Variants in SDK1 observed in about 807,000 individuals in gnomAD.
The protein encoded by SDK1 is sidekick cell adhesion molecule 1.
Under a neutral mutation model 245.5 loss-of-function variants are expected in SDK1, and 157 were observed. The observed-to-expected ratio is 0.64, with a 90% CI of 0.56 to 0.73. SDK1 has a LOEUF of 0.73. SDK1 is among the 30% of genes least tolerant of loss of function. SDK1 has a pLI of 0.00. For missense variants in SDK1, 3,583 were observed against 3,002.3 expected (o/e 1.19, Z -4.52); for synonymous variants, 1,647 against 1,278.5 (o/e 1.29, Z -6.15).
rs544163426 is a variant in SDK1 at position 4,145,149 on chromosome 7, C to T, written c.4229-573C>T. 6.6e-4 allele frequency among the ~76,000 whole-genome samples: 100 copies of T among 152,124 alleles called. 2 individuals are homozygous for T. Among genetic ancestry groups the T allele is most frequent in the East Asian group, 2.3e-3 (12 of 5,142 alleles). On this transcript the variant is annotated intron_variant, in intron 28 of 44. Transcript: ENST00000404826. The stretch of plus-strand genomic sequence containing the variant: ...GATTCTGTAAGCAGAGCTGCCCTGG[C>T]GGAGCTGCTCGGGAGGGGTGGGGCC...
rs140973897 is a variant in SDK1, at chr7:3,971,479, C to T, written c.1728C>T (p.Ile576=). The change falls in exon 12 of 45, where the codon ATC becomes ATT. Residue 576 remains isoleucine (I), a synonymous_variant. Transcript: ENST00000404826. ...ATLTVWNRTS[I]VHPPEDHVVI... ...TGTTTTTTTCAGATCGGACGTCCAT[C>T]GTCCACCCTCCTGAGGACCACGTGG... 2,208 of 1,612,010 alleles carry T rather than the reference C, an allele frequency of 1.4e-3. 23 individuals carry two copies. Among genetic ancestry groups the T allele is most frequent in the East Asian group, 1.9e-3 (84 of 44,860 alleles).
intron 1 of SDK1, among the ~76,000 whole-genome samples, chr7:3,357,876 T>C (rs1157864034): frequency 1.3e-5 from 2 of 152,330 alleles, no homozygotes; most frequent in East Asian, 3.9e-4. Flanking sequence ...CTCTTAGTTA[T>C]GTGTGGTAGA....
At chr7:3,975,534 C>G (rs1319891564) in intron 13 of SDK1, among the ~76,000 whole-genome samples, 1 of 152,182 alleles carries the variant, frequency 6.6e-6, no homozygotes, top group African/African-American at 2.4e-5. Context: ...TCCCTGAATC[C>G]CAAGACTCCA....
intron 1 of SDK1, among the ~76,000 whole-genome samples, chr7:3,304,005 C>T (rs1185900806): frequency 6.6e-6 from 1 of 152,178 alleles, no homozygotes; most frequent in Non-Finnish European, 1.5e-5. Context: ...GAAGCTATGA[C>T]TAATTTCTCT....
chr7:3,989,216 C>A (rs1003347011), intron 14 of SDK1, among the ~76,000 whole-genome samples: 11 of 152,212 alleles, frequency 7.2e-5, no homozygotes, highest in African/African-American at 2.7e-4. Flanking sequence ...CTAGGAAAGC[C>A]TCACAATCAT....
At position 4,026,019 on chromosome 7, in the gene SDK1, C is replaced by T. The variant is rs556015394; in HGVS notation, c.2602+8667C>T. Among the ~76,000 whole-genome samples, 28 of 152,348 alleles carry T rather than the reference C, an allele frequency of 1.8e-4. No homozygotes were observed. The highest frequency in any genetic ancestry group is 6.3e-4 in the African/African-American group (26 of 41,582). On this transcript the variant is annotated intron_variant, in intron 17 of 44. Transcript: ENST00000404826. The surrounding 1 kb of genome is among the most constrained non-coding windows in gnomAD (Gnocchi z 4.1). Reference sequence around the variant, plus strand: ...GAATCCGGGACTGCAGCCCAGAAGGCGCATGGGGAAATTAGGTCCACGAAC... The same window carrying T: ...GAATCCGGGACTGCAGCCCAGAAGGTGCATGGGGAAATTAGGTCCACGAAC...
intron 4 of SDK1, among the ~76,000 whole-genome samples, chr7:3,646,155 C>T (rs188897543): frequency 6.6e-6 from 1 of 152,228 alleles, no homozygotes; most frequent in East Asian, 1.9e-4. Flanking sequence ...CCACACCCAG[C>T]CTTTCTGCAC....
intron 1 of SDK1, among the ~76,000 whole-genome samples, chr7:3,507,320 C>A (rs759070640): frequency 6.6e-6 from 1 of 152,168 alleles, no homozygotes; most frequent in Non-Finnish European, 1.5e-5. Flanking sequence ...GATTTCTGGA[C>A]CTCTTTCTTT....
chr7:3,946,190 T>C (rs1366837212), intron 5 of SDK1, among the ~76,000 whole-genome samples: 2 of 152,008 alleles, frequency 1.3e-5, no homozygotes, highest in African/African-American at 4.8e-5. Context: ...TTTTATTTAT[T>C]TTTTTGAGAC....
chr7:3,782,227 C>A (rs1015269508), intron 4 of SDK1, among the ~76,000 whole-genome samples: 2 of 152,160 alleles, frequency 1.3e-5, no homozygotes, highest in Admixed American at 1.3e-4. Context: ...AAAGGGGAAG[C>A]ACTTGTCTCA....
At chr7:4,018,023 T>C (rs754687829) in intron 17 of SDK1, among the ~76,000 whole-genome samples, 10 of 152,176 alleles carry the variant, frequency 6.6e-5, no homozygotes, top group East Asian at 3.9e-4. Flanking sequence ...GGAGCCAGCA[T>C]TGGGAGATCT....
At chr7:3,954,126 T>C (rs1043835098) in intron 7 of SDK1, among the ~76,000 whole-genome samples, 2 of 151,894 alleles carry the variant, frequency 1.3e-5, no homozygotes, top group Non-Finnish European at 2.9e-5. Flanking sequence ...CCCACCTGCC[T>C]GTCTATGTTG....
intron 1 of SDK1, among the ~76,000 whole-genome samples, chr7:3,614,159 T>C (rs1268923681): frequency 1.3e-5 from 2 of 152,230 alleles, no homozygotes; most frequent in Admixed American, 6.5e-5. Flanking sequence ...CTTGAGACAA[T>C]GTTAAGTCTA....
Position 3,807,656 on chromosome 7 carries a change from A to T in SDK1, c.714-13794A>T, listed in dbSNP as rs570011711. On this transcript the variant is annotated intron_variant, in intron 4 of 44. Coordinates refer to ENST00000404826, the MANE Select transcript of SDK1 (RefSeq NM_152744.4). The stretch of plus-strand genomic sequence containing the variant: ...AACCTCACAACAAAGGTTTGCACAG[A>T]TTCCTCTCCCTGGCATGTTGTCTCA... 8.5e-5 allele frequency among the ~76,000 whole-genome samples: 13 copies of T among 152,256 alleles called. No homozygotes were observed. In the South Asian group the frequency reaches 2.7e-3, roughly 32 times the overall value.
chr7:3,403,858 T>TATATATATATA (rs1481448223), intron 1 of SDK1, among the ~76,000 whole-genome samples: 1 of 116,418 alleles, frequency 8.6e-6, no homozygotes, highest in Admixed American at 9.2e-5. Context: ...TATATATATA[T>TATATATATATA]ATATATATAT....
At chr7:3,907,381 G>C (rs959220331) in intron 5 of SDK1, among the ~76,000 whole-genome samples, 1 of 152,086 alleles carries the variant, frequency 6.6e-6, no homozygotes, top group African/African-American at 2.4e-5. Context: ...GTCCTTTTGT[G>C]TCTGGCTTAT....
intron 31 of SDK1, among the ~76,000 whole-genome samples, chr7:4,159,491 C>A (rs1349732427): frequency 6.6e-6 from 1 of 152,270 alleles, no homozygotes. Context: ...AGGAAAAGCA[C>A]ACTTGCCCCT....
intron 44 of SDK1, among the ~76,000 whole-genome samples, chr7:4,263,451 G>T (rs1045495155): frequency 2.0e-5 from 3 of 149,756 alleles, no homozygotes; most frequent in Non-Finnish European, 4.5e-5. Context: ...GGGAGGCCGC[G>T]TAGACCTCTC....
chr7:3,450,489 G>C (rs1780478295), intron 1 of SDK1, among the ~76,000 whole-genome samples: 1 of 152,114 alleles, frequency 6.6e-6, no homozygotes, highest in Admixed American at 6.6e-5. Flanking sequence ...CTAGCATTTG[G>C]GATATAAAGG....
Sources: allele counts gnomAD v4.1 joint callset (sites outside exome capture counted in the v4.1 genomes callset), GRCh38; gene constraint gnomAD v4.1.1; non-coding constraint Gnocchi (gnomAD v3.1); transcripts MANE v1.5; gene names NCBI Gene and HGNC (gene_info 2026-07-23, HGNC 2026-07-21).